PRKAR1A: variants seen among roughly 807,000 people sequenced by gnomAD.
PRKAR1A encodes cAMP-dependent protein kinase type I-alpha regulatory subunit.
In PRKAR1A, 3 loss-of-function variants were observed where a neutral mutation model predicts 52.0. The ratio of observed to expected loss-of-function variants is 0.06; its 90% CI spans 0.03 to 0.15. PRKAR1A has a LOEUF of 0.15. Among genes scored for constraint, PRKAR1A ranks in the 10% least tolerant of loss-of-function variants. The pLI is 1.00. For synonymous variants in PRKAR1A, 188 were observed against 168.4 expected (o/e 1.12, Z -0.90); for missense variants, 240 against 477.4 (o/e 0.50, Z 4.63).
the PRKAR1A span, chr17:68,426,246 G>GGGGT: frequency 1.1e-6 from 1 of 894,424 alleles, no homozygotes; most frequent in Non-Finnish European, 1.7e-6. Context: ...GGCGGGTGGG[G>GGGGT]AGCGGGGGCT....
downstream of PRKAR1A, chr17:68,537,701 G>T (rs752731065): frequency 6.2e-7 from 1 of 1,613,588 alleles, no homozygotes; most frequent in Non-Finnish European, 8.5e-7. This position sits in a 1 kb window ranked among gnomAD's most constrained non-coding sequence, Gnocchi z 4.2. Context: ...TAGTCAGCTT[G>T]GGCCAGCAGC....
At chr17:68,432,173 G>A in the PRKAR1A span, among the ~76,000 whole-genome samples, 1 of 152,196 alleles carries the variant, frequency 6.6e-6, no homozygotes, top group African/African-American at 2.4e-5. Flanking sequence ...AGATGAAGGA[G>A]CGAGAAGGGA....
At chr17:68,482,806 A>G in the PRKAR1A span, among the ~76,000 whole-genome samples, 4 of 152,256 alleles carry the variant, frequency 2.6e-5, no homozygotes, top group Non-Finnish European at 5.9e-5. Flanking sequence ...TTCAGCATAT[A>G]AACTATTTGC....
upstream of PRKAR1A, among the ~76,000 whole-genome samples, chr17:68,507,405 A>T (rs750669350): frequency 1.3e-5 from 2 of 152,180 alleles, no homozygotes; most frequent in Non-Finnish European, 2.9e-5. Context: ...GGAACAGAAA[A>T]CCAAACACCT....
chr17:68,530,685 C>T lies in PRKAR1A; in HGVS notation c.*236C>T. 1 of 1,419,396 alleles carries T rather than the reference C, an allele frequency of 7.0e-7. No individual in the cohort carries two copies. Among genetic ancestry groups the T allele is most frequent in the Non-Finnish European group, 9.2e-7 (1 of 1,085,628 alleles). The allele number at this position is 1,419,396 out of a possible 1,614,324, so 87.9% of individuals were successfully genotyped here. On this transcript the variant is annotated 3_prime_UTR_variant, in exon 11 of 11. Transcript: ENST00000589228. ...TATGGAGACTTTGCTGTTACTGCTT[C>T]TCTTTGTGCAGTGTTAGTATTCACC... is the stretch of plus-strand genomic sequence containing the variant.
At chr17:68,457,220 G>T in the PRKAR1A span, 1 of 1,209,838 alleles carries the variant, frequency 8.3e-7, no homozygotes, top group Non-Finnish European at 1.2e-6. Flanking sequence ...GTCCGAAGCA[G>T]ACACCGGCCC....
At position 68,525,810 on chromosome 17, in the gene PRKAR1A, A is replaced by G. The variant is rs878884422; in HGVS notation, c.606A>G (p.Glu202=). 7 of 1,613,806 alleles carry G rather than the reference A, an allele frequency of 4.3e-6. No individual in the cohort carries two copies. Among genetic ancestry groups the G allele is most frequent in the Middle Eastern group, 1.6e-4 (1 of 6,082 alleles). ...TTGGGGAAGGAGGGAGCTTTGGAGAACTTGCTTTGATTTATGGAACACCGA... is the reference window on the plus strand; with the variant it reads ...TTGGGGAAGGAGGGAGCTTTGGAGAGCTTGCTTTGATTTATGGAACACCGA... ...TSVGEGGSFG[E]LALIYGTPRA... is the part of the protein sequence containing the mutation. The change falls in exon 7 of 11, where the codon GAA becomes GAG. Residue 202 remains glutamate (E), a synonymous_variant. Transcript: ENST00000589228.
At chr17:68,485,049 G>A in the PRKAR1A span, among the ~76,000 whole-genome samples, 1 of 152,224 alleles carries the variant, frequency 6.6e-6, no homozygotes, top group African/African-American at 2.4e-5. Flanking sequence ...GTTTTACCAA[G>A]GACTCAAAGA....
At position 68,542,218 on chromosome 17, in the gene PRKAR1A, A is replaced by C. The variant is rs78681907; in HGVS notation, c.974-8866A>C. The C allele has an allele frequency of 3.9e-4, 622 of 1,595,044 alleles. 3 individuals are homozygous for C. The African/African-American group carries it at 7.6e-3, about 20-fold the overall frequency. ...GTAAGTGGAGGGCTCTGGAGGCATG[A>C]CATCTTCCTGGCCTAGGAAATCCAC... On this transcript the variant is annotated intron_variant, in intron 11 of 11. Transcript: ENST00000585981.
At chr17:68,529,406 A>G (rs2085895027) in intron 9 of PRKAR1A, among the ~76,000 whole-genome samples, 1 of 152,258 alleles carries the variant, frequency 6.6e-6, no homozygotes, top group Non-Finnish European at 1.5e-5. Flanking sequence ...ATGGAAATGT[A>G]TAGCAGATAC....
chr17:68,543,559 T>C, intron 11 of PRKAR1A: 1 of 1,355,692 alleles, frequency 7.4e-7, no homozygotes, highest in Non-Finnish European at 1.1e-6. Flanking sequence ...ACCTTGAGGG[T>C]CTGTCTAGCC....
chr17:68,444,674 G>T, the PRKAR1A span: 2 of 1,119,462 alleles, frequency 1.8e-6, no homozygotes, highest in Non-Finnish European at 2.6e-6. Context: ...TTTCATATGA[G>T]TCCTAACTTG....
chr17:68,457,401 G>T, the PRKAR1A span: 1 of 1,528,476 alleles, frequency 6.5e-7, no homozygotes, highest in South Asian at 1.2e-5. Flanking sequence ...CCGGGGGAGC[G>T]TCCGCGGCCT....
chr17:68,464,470 C>T, the PRKAR1A span, among the ~76,000 whole-genome samples: 1 of 152,228 alleles, frequency 6.6e-6, no homozygotes, highest in South Asian at 2.1e-4. Flanking sequence ...ATCGTGAGGT[C>T]AGGAGTTCGA....
At chr17:68,464,843 A>G in the PRKAR1A span, among the ~76,000 whole-genome samples, 35,939 of 151,930 alleles carry the variant, frequency 0.24, 4,778 homozygotes, top group Non-Finnish European at 0.3. Context: ...TGAAATTCTG[A>G]GTCTAAAGAC....
At chr17:68,503,135 A>G in the PRKAR1A span, among the ~76,000 whole-genome samples, 389 of 152,368 alleles carry the variant, frequency 2.6e-3, 5 homozygotes, top group Non-Finnish European at 7.5e-4. Context: ...AGCATATGCC[A>G]TTAGGGAACT....
chr17:68,500,191 T>A, the PRKAR1A span, among the ~76,000 whole-genome samples: 87 of 152,336 alleles, frequency 5.7e-4, no homozygotes, highest in Middle Eastern at 3.4e-3. Flanking sequence ...CACACTGATA[T>A]GGTTTGGCTG....
chr17:68,515,037 T>C, intron 1 of PRKAR1A: 1 of 323,246 alleles, frequency 3.1e-6, no homozygotes, highest in Non-Finnish European at 6.0e-6. Context: ...TTTACCTACT[T>C]CCCACGTCAT....
At chr17:68,430,900 A>T in the PRKAR1A span, among the ~76,000 whole-genome samples, 2 of 152,154 alleles carry the variant, frequency 1.3e-5, no homozygotes, top group Non-Finnish European at 2.9e-5. Flanking sequence ...TCCTGGTGGG[A>T]AGCTCGCCCT....
Sources: gnomAD v4.1 joint callset for allele counts (sites outside exome capture counted in the v4.1 genomes callset) on GRCh38, gnomAD v4.1.1 for gene constraint, Gnocchi (gnomAD v3.1) non-coding constraint, MANE v1.5 for transcripts, NCBI Gene and HGNC (gene_info 2026-07-23, HGNC 2026-07-21) for gene names.